HRK: variants seen among roughly 807,000 people sequenced by gnomAD.
The protein encoded by HRK is harakiri, BCL2 interacting protein.
Under a neutral mutation model 5.9 loss-of-function variants are expected in HRK, and 6 were observed. The observed-to-expected ratio is 1.02, with a 90% CI of 0.56 to 2.01. HRK has a LOEUF of 2.01. HRK is among the 30% of genes most tolerant of loss of function. The pLI is 0.00. For missense variants in HRK, 133 were observed against 128.3 expected, an observed-to-expected ratio of 1.04 and a Z score of -0.18; for synonymous variants, 85 against 65.1, an observed-to-expected ratio of 1.31 and a Z score of -1.47.
Position 116,881,282 on chromosome 12 carries a change from C to G in HRK, c.26G>C (p.Gly9Ala). The change falls in exon 1 of 2, where the codon GGC becomes GCC. Residue 9 changes from glycine to alanine, a missense_variant. Physicochemically the swap from Gly to Ala is moderately conservative, Grantham distance 60. Coordinates refer to ENST00000257572, the MANE Select transcript of HRK (RefSeq NM_003806.4). MCPCPLHR[G>A]RGPPAVCACS... ...GGCGCACACGGCCGGGGGGCCGCGG[C>G]CGCGGTGCAGGGGGCACGGGCACAT... is the stretch of plus-strand genomic sequence containing the variant. 1 of 1,074,282 alleles carries G rather than the reference C, an allele frequency of 9.3e-7. No homozygotes were observed. Among genetic ancestry groups the G allele is most frequent in the Non-Finnish European group, 1.1e-6 (1 of 889,152 alleles). The allele number at this position is 1,074,282 out of a possible 1,614,324, so 66.5% of individuals were successfully genotyped here. A position where few individuals can be genotyped will look rare whatever the true frequency, so the allele number is the denominator to read the frequency against.
At chr12:116,871,812 T>G (rs1878764295) in intron 1 of HRK, among the ~76,000 whole-genome samples, 1 of 151,764 alleles carries the variant, frequency 6.6e-6, no homozygotes, top group Admixed American at 6.6e-5. Flanking sequence ...TTTTCTTTTT[T>G]TAGTAAAGAT....
Position 116,860,327 on chromosome 12 carries a change from A to T in HRK, c.*1196T>A. On this transcript the variant is annotated 3_prime_UTR_variant, in exon 2 of 2. Coordinates refer to ENST00000257572, the MANE Select transcript of HRK (RefSeq NM_003806.4). ...TAGTAGCTTATCCTTGGGGGGAAAA[A>T]AATCAGACCTCTGTCAATCAGTGAG... The T allele has an allele frequency of 6.6e-6, 1 of 152,260 alleles. No individual in the cohort carries two copies. Among genetic ancestry groups the T allele is most frequent in the Middle Eastern group, 3.4e-3 (1 of 294 alleles). 9.4% of individuals were successfully genotyped at this position (152,260 alleles called of 1,614,324 possible). A position where few individuals can be genotyped will look rare whatever the true frequency, so the allele number is the denominator to read the frequency against.
Position 116,858,229 on chromosome 12 carries a change from G to C in HRK, c.*3294C>G, listed in dbSNP as rs1274028232. 1.3e-5 allele frequency: 2 copies of C among 150,548 alleles called. No individual in the cohort carries two copies. The highest frequency in any genetic ancestry group is 2.1e-4 in the South Asian group (1 of 4,764). 9.3% of individuals were successfully genotyped at this position (150,548 alleles called of 1,614,324 possible). On this transcript the variant is annotated 3_prime_UTR_variant, in exon 2 of 2. Transcript: ENST00000257572. Reference sequence around the variant, plus strand: ...ACAGGAACTGGGGTCTAGGACATGCGCACGGCCTAGGACCATGGACAGCAG... The same window carrying C: ...ACAGGAACTGGGGTCTAGGACATGCCCACGGCCTAGGACCATGGACAGCAG...
intron 1 of HRK, among the ~76,000 whole-genome samples, chr12:116,868,522 C>G (rs931626552): frequency 2.0e-5 from 3 of 152,092 alleles, no homozygotes; most frequent in African/African-American, 7.2e-5. Context: ...GAACACAGAC[C>G]CTTTTGGCTC....
intron 1 of HRK, among the ~76,000 whole-genome samples, chr12:116,871,116 TG>T (rs1878731502): frequency 2.0e-5 from 3 of 151,642 alleles, no homozygotes; most frequent in African/African-American, 7.3e-5. Context: ...TGTTTTGTTT[TG>T]TTTTGTTTTG....
Position 116,860,112 on chromosome 12 carries a change from G to C in HRK, c.*1411C>G, listed in dbSNP as rs1280940252. 6.6e-6 allele frequency: 1 copy of C among 151,098 alleles called. No individual in the cohort carries two copies. Among genetic ancestry groups the C allele is most frequent in the Non-Finnish European group, 1.5e-5 (1 of 68,026 alleles). The allele number at this position is 151,098 out of a possible 1,614,324, so 9.4% of individuals were successfully genotyped here. A position where few individuals can be genotyped will look rare whatever the true frequency, so the allele number is the denominator to read the frequency against. ...TGGAGAATGACCGTCCGAATCTGCA[G>C]CCTGACACCTCGCCACCTCGGCTTT... On this transcript the variant is annotated 3_prime_UTR_variant, in exon 2 of 2. Transcript: ENST00000257572.
intron 1 of HRK, among the ~76,000 whole-genome samples, chr12:116,876,367 G>T (rs1343368458): frequency 1.3e-5 from 2 of 152,218 alleles, no homozygotes; most frequent in South Asian, 2.1e-4. Context: ...AGGCCTGCGG[G>T]ATGCGCCTCC....
In HRK at chr12:116,858,311, A is replaced by G. The variant is rs1878232587; in HGVS notation, c.*3212T>C. ...TTCCTACTCAAGCTACACCAATAAC[A>G]AAGAGAATAGGAAACGGACCCCCAA... On this transcript the variant is annotated 3_prime_UTR_variant, in exon 2 of 2. Transcript: ENST00000257572. 1.3e-5 allele frequency: 2 copies of G among 151,910 alleles called. No homozygotes were observed. The highest frequency in any genetic ancestry group is 4.8e-5 in the African/African-American group (2 of 41,340). 9.4% of individuals were successfully genotyped at this position (151,910 alleles called of 1,614,324 possible). A position where few individuals can be genotyped will look rare whatever the true frequency, so the allele number is the denominator to read the frequency against.
rs574469645 is a variant in HRK at position 116,880,519 on chromosome 12, G to A, written c.*56+457C>T. On this transcript the variant is annotated intron_variant, in intron 1 of 1. Coordinates refer to ENST00000257572, the MANE Select transcript of HRK (RefSeq NM_003806.4). The stretch of plus-strand genomic sequence containing the variant: ...TAGGGACAAGAGGTTGGGAGCAAAG[G>A]TGATGGAGACGGGGGCGACTCAGGA... Among the ~76,000 whole-genome samples, 9 of 152,288 alleles carry A rather than the reference G, an allele frequency of 5.9e-5. No individual in the cohort carries two copies. The South Asian group carries it at 1.9e-3, about 32-fold the overall frequency.
intron 1 of HRK, among the ~76,000 whole-genome samples, chr12:116,861,991 G>A (rs1878383272): frequency 1.3e-5 from 2 of 152,192 alleles, no homozygotes; most frequent in Admixed American, 1.3e-4. Flanking sequence ...CTTGCCCCTT[G>A]AGGGGCTCAG....
At position 116,879,767 on chromosome 12, in the gene HRK, C is replaced by T. The variant is rs899463691; in HGVS notation, c.*56+1209G>A. 1.3e-5 allele frequency: 2 copies of T among 152,386 alleles called. No homozygotes were observed. The highest frequency in any genetic ancestry group is 6.5e-5 in the Admixed American group (1 of 15,306). The allele number at this position is 152,386 out of a possible 1,614,324, so 9.4% of individuals were successfully genotyped here. A position where few individuals can be genotyped will look rare whatever the true frequency, so the allele number is the denominator to read the frequency against. Reference sequence around the variant, plus strand: ...CCCCACGCTCCGGCTGCCGCCTTTCCCCGCGGGCGCAGACGCTCGGGCCTC... The same window carrying T: ...CCCCACGCTCCGGCTGCCGCCTTTCTCCGCGGGCGCAGACGCTCGGGCCTC... On this transcript the variant is annotated intron_variant, in intron 1 of 1. Transcript: ENST00000257572. This position sits in a 1 kb window ranked among gnomAD's most constrained non-coding sequence, Gnocchi z 5.6.
At position 116,881,059 on chromosome 12, in the gene HRK, G is replaced by GGCCGCCAGC; in HGVS notation, c.240_248dup (p.Leu81_Ala83dup). 1 of 1,357,696 alleles carries GGCCGCCAGC rather than the reference G, an allele frequency of 7.4e-7. No individual in the cohort carries two copies. The highest frequency in any genetic ancestry group is 9.5e-7 in the Non-Finnish European group (1 of 1,055,250). The allele number at this position is 1,357,696 out of a possible 1,614,324, so 84.1% of individuals were successfully genotyped here. A position where few individuals can be genotyped will look rare whatever the true frequency, so the allele number is the denominator to read the frequency against. The stretch of plus-strand genomic sequence containing the variant: ...ACAAGTTCCGCCTGCCGAGCAGCCA[G>GGCCGCCAGC]GCCGCCAGCGCCGCCACCTGCGCGG... On this transcript the variant is annotated inframe_insertion, in exon 1 of 2. Coordinates refer to ENST00000257572, the MANE Select transcript of HRK (RefSeq NM_003806.4).
intron 1 of HRK, among the ~76,000 whole-genome samples, chr12:116,874,887 T>G (rs189340885): frequency 6.6e-6 from 1 of 152,042 alleles, no homozygotes; most frequent in East Asian, 1.9e-4. Flanking sequence ...ATGACTCCAG[T>G]CCCCAGCCAT....
rs900484493 is a variant in HRK, at chr12:116,866,603, C to A, written c.*57-5137G>T. Among the ~76,000 whole-genome samples the A allele has an allele frequency of 9.2e-5, 14 of 152,164 alleles. No homozygotes were observed. In the South Asian group the frequency reaches 2.9e-3, roughly 32 times the overall value. On this transcript the variant is annotated intron_variant, in intron 1 of 1. Transcript: ENST00000257572. ...GAGGAAGGAAGAGGCCATTTGGCAG[C>A]CTCTGGAAGAAGTATTTGCTCTCCT...
In HRK at chr12:116,859,038, G is replaced by C. The variant is rs931024480; in HGVS notation, c.*2485C>G. The C allele has an allele frequency of 3.9e-5, 6 of 152,142 alleles. No homozygotes were observed. The highest frequency in any genetic ancestry group is 1.2e-4 in the African/African-American group (5 of 41,390). 9.4% of individuals were successfully genotyped at this position (152,142 alleles called of 1,614,324 possible). ...GTGCACTCCAATGAATGATGTGCAA[G>C]GAAAGGTCAGGATTCGATAAATACG... On this transcript the variant is annotated 3_prime_UTR_variant, in exon 2 of 2. Coordinates refer to ENST00000257572, the MANE Select transcript of HRK (RefSeq NM_003806.4).
At position 116,860,817 on chromosome 12, in the gene HRK, C is replaced by T. The variant is rs1878335794; in HGVS notation, c.*706G>A. On this transcript the variant is annotated 3_prime_UTR_variant, in exon 2 of 2. Transcript: ENST00000257572. ...CCACAGCAGCACCAGCAGGAACGCA[C>T]TTAGCACCAGCAAAATTTTAAGTGA... 1 of 152,258 alleles carries T rather than the reference C, an allele frequency of 6.6e-6. No homozygotes were observed. Among genetic ancestry groups the T allele is most frequent in the Non-Finnish European group, 1.5e-5 (1 of 68,082 alleles). The allele number at this position is 152,258 out of a possible 1,614,324, so 9.4% of individuals were successfully genotyped here. A position where few individuals can be genotyped will look rare whatever the true frequency, so the allele number is the denominator to read the frequency against.
intron 1 of HRK, among the ~76,000 whole-genome samples, chr12:116,864,341 C>T (rs1464154471): frequency 2.6e-5 from 4 of 152,090 alleles, no homozygotes; most frequent in Non-Finnish European, 2.9e-5. Flanking sequence ...CATGGTTATC[C>T]GCACCAGATA....
At chr12:116,869,317 A>G (rs754854588) in intron 1 of HRK, among the ~76,000 whole-genome samples, 2 of 152,132 alleles carry the variant, frequency 1.3e-5, no homozygotes, top group Non-Finnish European at 2.9e-5. Flanking sequence ...AGAACAACAC[A>G]TATCATAGGC....
chr12:116,860,710 TAA>T lies in HRK; in HGVS notation c.*811_*812del, dbSNP rs10718774. 0.013 allele frequency: 1,856 copies of T among 141,468 alleles called. 13 individuals carry two copies. The highest frequency in any genetic ancestry group is 0.029 in the Admixed American group (419 of 14,348). The allele number at this position is 141,468 out of a possible 1,614,324, so 8.8% of individuals were successfully genotyped here. On this transcript the variant is annotated 3_prime_UTR_variant, in exon 2 of 2. Transcript: ENST00000257572. ...AGTGGCACTTTTGCAACTTGTCCCT[TAA>T]AAAAAAAAAAAAAAGAATCTGAAAC... is the stretch of plus-strand genomic sequence containing the variant.
Sources: allele counts gnomAD v4.1 joint callset (sites outside exome capture counted in the v4.1 genomes callset), GRCh38; gene constraint gnomAD v4.1.1; non-coding constraint Gnocchi (gnomAD v3.1); transcripts MANE v1.5; gene names NCBI Gene and HGNC (gene_info 2026-07-23, HGNC 2026-07-21).